The following EPYC variants were observed in gnomAD, a reference collection of about 807,000 sequenced individuals.
The protein encoded by EPYC is dermatan sulfate proteoglycan 3.
In EPYC, 28 loss-of-function variants were observed where a neutral mutation model predicts 30.1. That is an observed-to-expected ratio of 0.93 (90% CI 0.69 to 1.28). EPYC has a LOEUF of 1.28. Among genes scored for constraint, EPYC ranks in the 50% most tolerant of loss-of-function variants. EPYC has a pLI of 0.00. For synonymous variants in EPYC, 144 were observed against 141.4 expected (o/e 1.02, Z -0.13); for missense variants, 382 against 383.5 (o/e 1.00, Z 0.03).
chr12:90,964,114 T>C lies in EPYC; in HGVS notation c.*42A>G. On this transcript the variant is annotated 3_prime_UTR_variant, in exon 7 of 7. Transcript: ENST00000261172. ...TTTTGGAAGAGAGCAGTAAGAATGG[T>C]TTATTTATAGTAGCCATCGTAATGC... The C allele has an allele frequency of 1.9e-6, 3 of 1,558,298 alleles. No homozygotes were observed. Among genetic ancestry groups the C allele is most frequent in the Non-Finnish European group, 2.6e-6 (3 of 1,138,890 alleles).
chr12:90,992,861 C>T (rs1484300626), intron 2 of EPYC, among the ~76,000 whole-genome samples: 1 of 152,164 alleles, frequency 6.6e-6, no homozygotes, highest in African/African-American at 2.4e-5. Context: ...TCGTGACTAG[C>T]TCCCAGGTGA....
At chr12:91,002,341 G>T in intron 2 of EPYC, 60 bp downstream of exon 2, 1 of 1,470,596 alleles carries the variant, frequency 6.8e-7, no homozygotes, top group Non-Finnish European at 9.2e-7. Flanking sequence ...GAGGAAAACA[G>T]ACCCAAGTCA....
At chr12:90,995,672 A>G (rs993064734) in intron 2 of EPYC, among the ~76,000 whole-genome samples, 9 of 151,878 alleles carry the variant, frequency 5.9e-5, no homozygotes, top group African/African-American at 2.2e-4. Flanking sequence ...AATATATAAT[A>G]TAAATATAAA....
At chr12:90,982,455 C>G (rs1592627224) in intron 2 of EPYC, among the ~76,000 whole-genome samples, 1 of 151,912 alleles carries the variant, frequency 6.6e-6, no homozygotes, top group Non-Finnish European at 1.5e-5. Flanking sequence ...TCTCTCTTCT[C>G]ATCCTCTCTC....
At chr12:90,974,063 CA>C (rs1565871377) in intron 3 of EPYC, among the ~76,000 whole-genome samples, 1 of 150,596 alleles carries the variant, frequency 6.6e-6, no homozygotes, top group African/African-American at 2.4e-5. Context: ...CACACACACA[CA>C]CACACACACC....
rs1434285018 is a variant in EPYC at position 90,978,142 on chromosome 12, A to G, written c.286T>C (p.Ser96Pro). The stretch of plus-strand genomic sequence containing the variant: ...GTGAATTCAGGCTCCTGGGGAGAAG[A>G]GCCATCAATCAGCCTGGGAGTAGAT... Reference protein sequence around the residue: ...EESTPRLIDGSSPQEPEFTGV... With the variant: ...EESTPRLIDGPSPQEPEFTGV... Residue 96 changes from serine (S) to proline (P), a missense_variant, in exon 3 of 7, where the codon TCT (serine) becomes CCT (proline). By Grantham distance (74) the Ser-to-Pro change is moderately conservative (BLOSUM62 -1). Transcript: ENST00000261172. The G allele has an allele frequency of 1.2e-6, 2 of 1,605,570 alleles. No individual in the cohort carries two copies. The highest frequency in any genetic ancestry group is 1.7e-6 in the Non-Finnish European group (2 of 1,176,506).
At position 90,972,813 on chromosome 12, in the gene EPYC, C is replaced by T; in HGVS notation, c.499+9G>A. 1 of 1,612,146 alleles carries T rather than the reference C, an allele frequency of 6.2e-7. No individual in the cohort carries two copies. Among genetic ancestry groups the T allele is most frequent in the East Asian group, 2.2e-5 (1 of 44,812 alleles). On this transcript the variant is annotated intron_variant, in intron 4 of 6. Coordinates refer to ENST00000261172, the MANE Select transcript of EPYC (RefSeq NM_004950.5). ...AAGCGGTGAAGGCCGTTAATGCTGT[C>T]ATCCATACTTAGGCTTGCAAAGTCA... is the stretch of plus-strand genomic sequence containing the variant.
chr12:90,974,337 G>A (rs936059273), intron 3 of EPYC, among the ~76,000 whole-genome samples: 4 of 152,084 alleles, frequency 2.6e-5, no homozygotes, highest in African/African-American at 4.8e-5. Context: ...TACAAGATTT[G>A]CAAAGTGAGG....
At chr12:90,976,123 A>G (rs1013107192) in intron 3 of EPYC, among the ~76,000 whole-genome samples, 1 of 152,154 alleles carries the variant, frequency 6.6e-6, no homozygotes, top group Non-Finnish European at 1.5e-5. Context: ...TACTTATTGA[A>G]GAACAGTTAA....
At chr12:90,965,230 T>C (rs181027701) in intron 6 of EPYC, among the ~76,000 whole-genome samples, 1 of 152,336 alleles carries the variant, frequency 6.6e-6, no homozygotes, top group African/African-American at 2.4e-5. Context: ...TGTATTGATA[T>C]ACCACATTTT....
At chr12:91,003,182 TTTTG>T (rs749817052) in intron 1 of EPYC, among the ~76,000 whole-genome samples, 12 of 152,106 alleles carry the variant, frequency 7.9e-5, no homozygotes, top group Non-Finnish European at 1.5e-4. Context: ...AGTAACAAAG[TTTTG>T]TTTGTTTTTT....
At chr12:90,990,615 A>C (rs1395591455) in intron 2 of EPYC, among the ~76,000 whole-genome samples, 2 of 152,148 alleles carry the variant, frequency 1.3e-5, no homozygotes, top group African/African-American at 4.8e-5. Flanking sequence ...GTGCCACCAC[A>C]TTCTCTGTAG....
intron 2 of EPYC, among the ~76,000 whole-genome samples, chr12:90,982,815 G>C (rs758791063): frequency 4.4e-4 from 67 of 152,118 alleles, no homozygotes; most frequent in Non-Finnish European, 8.1e-4. Context: ...CAAATGACAG[G>C]AGTTCATTCT....
intron 6 of EPYC, among the ~76,000 whole-genome samples, chr12:90,965,211 C>T (rs1426851094): frequency 2.7e-4 from 41 of 152,218 alleles, no homozygotes; most frequent in Non-Finnish European, 2.9e-5. Flanking sequence ...TTGTCCAATA[C>T]TATTTCACTG....
In EPYC at chr12:90,963,973, T is replaced by G. The variant is rs1218369074; in HGVS notation, c.*183A>C. 2.1e-6 allele frequency: 1 copy of G among 475,418 alleles called. No homozygotes were observed. The highest frequency in any genetic ancestry group is 3.7e-6 in the Non-Finnish European group (1 of 270,532). The allele number at this position is 475,418 out of a possible 1,614,324, so 29.4% of individuals were successfully genotyped here. On this transcript the variant is annotated 3_prime_UTR_variant, in exon 7 of 7. Transcript: ENST00000261172. ...TTTGTAAATGTTATAGGTTTATTCC[T>G]AACTCATCTGGTGTTTTCTTAAATT...
intron 2 of EPYC, among the ~76,000 whole-genome samples, chr12:90,988,733 C>G (rs543883034): frequency 2.6e-5 from 4 of 152,212 alleles, no homozygotes; most frequent in African/African-American, 7.2e-5. Flanking sequence ...AGTGGTTTAA[C>G]ACAATAAGAG....
intron 2 of EPYC, among the ~76,000 whole-genome samples, chr12:90,987,470 G>C (rs546351628): frequency 6.6e-6 from 1 of 152,170 alleles, no homozygotes; most frequent in African/African-American, 2.4e-5. Context: ...ACCTGTCTTT[G>C]ATTGTTAGAC....
Position 91,002,710 on chromosome 12 carries a change from A to G in EPYC, c.-13-132T>C, listed in dbSNP as rs1028202628. 62 of 669,668 alleles carry G rather than the reference A, an allele frequency of 9.3e-5. No homozygotes were observed. In the Admixed American group the frequency reaches 9.7e-4, roughly 10 times the overall value. 41.5% of individuals were successfully genotyped at this position (669,668 alleles called of 1,614,324 possible). ...GTAGCTTTCCTTCCATGGATAATTT[A>G]TAAACATAACACACAAAATCATCTG... On this transcript the variant is annotated intron_variant, in intron 1 of 6. Transcript: ENST00000261172.
chr12:90,972,036 T>G (rs1429678744), intron 4 of EPYC, 34 bp from the exon 5 acceptor site: 1 of 1,291,848 alleles, frequency 7.7e-7, no homozygotes, highest in Admixed American at 2.6e-5. Context: ...TAATTAAATA[T>G]TCTTGTTTTG....
Sources: allele counts gnomAD v4.1 joint callset (sites outside exome capture counted in the v4.1 genomes callset), GRCh38; gene constraint gnomAD v4.1.1; transcripts MANE v1.5; gene names NCBI Gene and HGNC (gene_info 2026-07-23, HGNC 2026-07-21).